SYT1: variants seen among roughly 807,000 people sequenced by gnomAD.
SYT1 encodes synaptotagmin-1.
A neutral mutation model predicts 44.8 loss-of-function variants in SYT1; 8 were observed. The ratio of observed to expected loss-of-function variants is 0.18; its 90% confidence interval spans 0.10 to 0.32. The LOEUF (loss-of-function observed/expected upper bound fraction) is 0.32, where lower values mean the gene tolerates loss of function less well. SYT1 is among the 10% of genes least tolerant of loss of function. The pLI is 1.00. For missense variants in SYT1, 286 were observed against 509.3 expected, an observed-to-expected ratio of 0.56 and a Z score of 4.22; for synonymous variants, 154 against 188.8, an observed-to-expected ratio of 0.82 and a Z score of 1.51.
chr12:79,365,701 A>G (rs962480296), intron 9 of SYT1, among the ~76,000 whole-genome samples: 2 of 152,080 alleles, frequency 1.3e-5, no homozygotes, highest in Admixed American at 6.6e-5. Flanking sequence ...GAGAAGTAAA[A>G]TGTTACATTT....
chr12:78,910,632 G>A (rs1032296373), intron 1 of SYT1, among the ~76,000 whole-genome samples: 1 of 151,932 alleles, frequency 6.6e-6, no homozygotes, highest in African/African-American at 2.4e-5. Flanking sequence ...CAAAGCCCTT[G>A]CCTTCATGAA....
intron 9 of SYT1, among the ~76,000 whole-genome samples, chr12:79,431,555 G>T (rs866571877): frequency 2.7e-4 from 19 of 69,168 alleles, no homozygotes; most frequent in South Asian, 1.5e-3. Context: ...TTTATTTATT[G>T]AGATGGAGTT....
chr12:79,233,512 A>G (rs1185468905), intron 4 of SYT1, among the ~76,000 whole-genome samples: 1 of 152,192 alleles, frequency 6.6e-6, no homozygotes, highest in Non-Finnish European at 1.5e-5. Flanking sequence ...CTTTTCAGCT[A>G]CATTGTCGAT....
chr12:79,238,102 G>A (rs552595384), intron 4 of SYT1, among the ~76,000 whole-genome samples: 2 of 152,200 alleles, frequency 1.3e-5, no homozygotes, highest in East Asian at 3.9e-4. Flanking sequence ...GAGTTTTGTG[G>A]TTAACAGTGA....
Position 79,044,582 on chromosome 12 carries a change from C to T in SYT1, c.-83-2715C>T, listed in dbSNP as rs1360555387. Among the ~76,000 whole-genome samples the T allele has an allele frequency of 6.8e-5, 10 of 146,104 alleles. No homozygotes were observed. In the East Asian group the frequency reaches 8.1e-4, roughly 12 times the overall value. On this transcript the variant is annotated intron_variant, in intron 2 of 10. Transcript: ENST00000261205. ...TTTGCCTTTGGTTTGAATGTCCTCC[C>T]GTAGCTCAGAGTAATTTGATCGTCT...
intron 3 of SYT1, among the ~76,000 whole-genome samples, chr12:79,109,943 A>T (rs1413064602): frequency 6.6e-6 from 1 of 152,220 alleles, no homozygotes; most frequent in Non-Finnish European, 1.5e-5. Flanking sequence ...CTGCCAAAGA[A>T]TCTCAGATGA....
At chr12:79,226,379 T>G (rs1230149013) in intron 4 of SYT1, among the ~76,000 whole-genome samples, 1 of 152,196 alleles carries the variant, frequency 6.6e-6, no homozygotes, top group Non-Finnish European at 1.5e-5. Flanking sequence ...GAAACTCTCC[T>G]TTCTTTTGCT....
chr12:79,356,298 CT>C (rs917554825), intron 9 of SYT1, among the ~76,000 whole-genome samples: 2 of 151,722 alleles, frequency 1.3e-5, no homozygotes, highest in South Asian at 2.1e-4. Flanking sequence ...AAATCTTTGC[CT>C]TTTTTTAAAT....
chr12:79,152,028 TAGA>T (rs1194822058), intron 3 of SYT1, among the ~76,000 whole-genome samples: 1 of 151,994 alleles, frequency 6.6e-6, no homozygotes, highest in Non-Finnish European at 1.5e-5. Context: ...AGCACAAAGC[TAGA>T]AGAACAGTAG....
At chr12:79,031,011 G>A (rs1872795645) in intron 2 of SYT1, among the ~76,000 whole-genome samples, 1 of 151,002 alleles carries the variant, frequency 6.6e-6, no homozygotes, top group Admixed American at 6.6e-5. Context: ...AACTTTTGGA[G>A]CTGCTGCTCA....
At chr12:79,277,549 C>G (rs1458858701) in intron 4 of SYT1, among the ~76,000 whole-genome samples, 1 of 152,022 alleles carries the variant, frequency 6.6e-6, no homozygotes, top group African/African-American at 2.4e-5. Context: ...GGTTGATATT[C>G]ACCAGTATAA....
At chr12:79,074,877 C>A (rs1876533113) in intron 3 of SYT1, among the ~76,000 whole-genome samples, 1 of 152,114 alleles carries the variant, frequency 6.6e-6, no homozygotes, top group Non-Finnish European at 1.5e-5. Flanking sequence ...AAGGTAAGTT[C>A]TGCCCTCTTC....
chr12:79,185,006 T>C (rs1031500654), intron 3 of SYT1, among the ~76,000 whole-genome samples: 3 of 152,078 alleles, frequency 2.0e-5, no homozygotes, highest in Non-Finnish European at 4.4e-5. Flanking sequence ...AAGAGCATCT[T>C]CATTAGCAAA....
intron 8 of SYT1, among the ~76,000 whole-genome samples, chr12:79,308,778 A>G (rs1880611343): frequency 6.6e-6 from 1 of 152,196 alleles, no homozygotes; most frequent in Non-Finnish European, 1.5e-5. Context: ...TGGTCCCTAT[A>G]CTGCACACCT....
rs187308857 is a variant in SYT1 at position 79,226,011 on chromosome 12, A to G, written c.166+8326A>G. On this transcript the variant is annotated intron_variant, in intron 4 of 10. Transcript: ENST00000261205. Reference sequence around the variant, plus strand: ...ATAATGTAAGCTCTCTGAAGGCAATATGTTGGGTCTGTTTATGCTCATGCC... The same window carrying G: ...ATAATGTAAGCTCTCTGAAGGCAATGTGTTGGGTCTGTTTATGCTCATGCC... 8.5e-5 allele frequency among the ~76,000 whole-genome samples: 13 copies of G among 152,304 alleles called. No individual in the cohort carries two copies. In the East Asian group the frequency reaches 2.3e-3, roughly 27 times the overall value.
chr12:79,179,372 A>AGATATATT (rs1565842007), intron 3 of SYT1, among the ~76,000 whole-genome samples: 15 of 20,476 alleles, frequency 7.3e-4, no homozygotes, highest in Admixed American at 1.1e-3. Flanking sequence ...ATATAGATAT[A>AGATATATT]GATATAGATA....
intron 1 of SYT1, among the ~76,000 whole-genome samples, chr12:78,922,667 G>A (rs573640789): frequency 3.0e-4 from 46 of 151,882 alleles, no homozygotes; most frequent in African/African-American, 1.1e-3. Flanking sequence ...CCACATCTCT[G>A]GTTTTTAATT....
intron 3 of SYT1, among the ~76,000 whole-genome samples, chr12:79,192,155 G>A (rs1873169507): frequency 6.6e-6 from 1 of 152,164 alleles, no homozygotes; most frequent in Admixed American, 6.6e-5. Context: ...GTCTAAGAAT[G>A]TCAGAAATAC....
intron 3 of SYT1, among the ~76,000 whole-genome samples, chr12:79,173,076 G>C (rs778680757): frequency 1.3e-5 from 2 of 150,418 alleles, no homozygotes; most frequent in Non-Finnish European, 3.0e-5. Context: ...GAGATTTTAG[G>C]GAACTGATTA....
Sources: allele counts gnomAD v4.1 joint callset (sites outside exome capture counted in the v4.1 genomes callset), GRCh38; gene constraint gnomAD v4.1.1; transcripts MANE v1.5; gene names NCBI Gene and HGNC (gene_info 2026-07-23, HGNC 2026-07-21).